Variants in BPNT1 observed in about 807,000 individuals in gnomAD.
BPNT1 encodes the protein 3'(2'),5'-bisphosphate nucleotidase 1.
Under a neutral mutation model 36.9 loss-of-function variants are expected in BPNT1, and 28 were observed. The ratio of observed to expected loss-of-function variants is 0.76; its 90% CI spans 0.56 to 1.04. The LOEUF is 1.04. Ranked by LOEUF, BPNT1 falls within the 50% of genes least tolerant of loss-of-function variation. BPNT1 has a pLI of 0.00. For synonymous variants in BPNT1, 119 were observed against 130.9 expected (o/e 0.91, Z 0.62); for missense variants, 313 against 372.9 (o/e 0.84, Z 1.32).
chr1:220,087,385 T>A (rs540582741), intron 1 of BPNT1, among the ~76,000 whole-genome samples: 11 of 152,044 alleles, frequency 7.2e-5, no homozygotes, highest in African/African-American at 2.7e-4. Context: ...TGAAACCCTG[T>A]CTCTACTAAA....
At chr1:220,072,821 A>G (rs1664187918) in intron 4 of BPNT1, 29 bp downstream of exon 4, 1 of 1,554,530 alleles carries the variant, frequency 6.4e-7, no homozygotes, top group Non-Finnish European at 8.9e-7. Context: ...CCAGGTTAAT[A>G]GAGAGTTGAG....
chr1:220,063,880 T>C (rs1259012100), intron 6 of BPNT1, among the ~76,000 whole-genome samples: 1 of 152,184 alleles, frequency 6.6e-6, no homozygotes, highest in Non-Finnish European at 1.5e-5. Context: ...TACATTGTTA[T>C]AACTATACAC....
chr1:220,067,972 A>G (rs1571748611), intron 5 of BPNT1, among the ~76,000 whole-genome samples: 1 of 152,240 alleles, frequency 6.6e-6, no homozygotes, highest in African/African-American at 2.4e-5. Flanking sequence ...TTATTTCACA[A>G]TGGGTTCTAC....
chr1:220,066,179 T>C, intron 6 of BPNT1: 5 of 1,247,952 alleles, frequency 4.0e-6, no homozygotes, highest in Non-Finnish European at 5.5e-6. Context: ...TATTAACTCC[T>C]AAGCACTTAG....
At chr1:220,073,671 A>C (rs1226573423) in intron 3 of BPNT1, among the ~76,000 whole-genome samples, 2 of 152,142 alleles carry the variant, frequency 1.3e-5, no homozygotes, top group African/African-American at 4.8e-5. Flanking sequence ...ACAACAACGA[A>C]ACCCATTTTA....
chr1:220,059,243 C>CTTTTTTTTTTTTTTT (rs11292010), intron 8 of BPNT1, among the ~76,000 whole-genome samples: 3 of 57,868 alleles, frequency 5.2e-5, no homozygotes, highest in African/African-American at 7.5e-5. Flanking sequence ...ATTTTCTTTT[C>CTTTTTTTTTTTTTTT]TTTTTTTTTT....
chr1:220,076,527 A>G (rs113153572), intron 2 of BPNT1, among the ~76,000 whole-genome samples: 20,587 of 148,234 alleles, frequency 0.14, 1,843 homozygotes, highest in Admixed American at 0.21. Flanking sequence ...AAGGCAAAAA[A>G]ATACAAAATT....
rs1364667858 is a variant in BPNT1 at position 220,057,841 on chromosome 1, T to G, written c.*1003A>C. 1.5e-6 allele frequency: 2 copies of G among 1,302,282 alleles called. No homozygotes were observed. Among genetic ancestry groups the G allele is most frequent in the Admixed American group, 4.6e-5 (2 of 43,476 alleles). 80.7% of individuals were successfully genotyped at this position (1,302,282 alleles called of 1,614,324 possible). On this transcript the variant is annotated 3_prime_UTR_variant, in exon 9 of 9. Coordinates refer to ENST00000322067, the MANE Select transcript of BPNT1 (RefSeq NM_006085.6). ...AGTAGAAACGTTTTTAAAATTACTG[T>G]GAAAAACAAGAGTGAGATTCCAGAA... is the stretch of plus-strand genomic sequence containing the variant.
chr1:220,057,793 A>T lies in BPNT1; in HGVS notation c.*1051T>A. The T allele has an allele frequency of 9.0e-7, 1 of 1,106,230 alleles. No individual in the cohort carries two copies. Among genetic ancestry groups the T allele is most frequent in the Non-Finnish European group, 1.2e-6 (1 of 814,454 alleles). The allele number at this position is 1,106,230 out of a possible 1,614,324, so 68.5% of individuals were successfully genotyped here. A position where few individuals can be genotyped will look rare whatever the true frequency, so the allele number is the denominator to read the frequency against. ...ATCTGTTTCATAAGCATATATAATAACATCATATATATTCTTAATTGGAGT... is the reference window on the plus strand; with the variant it reads ...ATCTGTTTCATAAGCATATATAATATCATCATATATATTCTTAATTGGAGT... On this transcript the variant is annotated 3_prime_UTR_variant, in exon 9 of 9. Coordinates refer to ENST00000322067, the MANE Select transcript of BPNT1 (RefSeq NM_006085.6).
intron 4 of BPNT1, among the ~76,000 whole-genome samples, chr1:220,071,103 G>A (rs904626054): frequency 5.3e-5 from 8 of 151,714 alleles, no homozygotes; most frequent in Non-Finnish European, 8.8e-5. Context: ...CTCGTGATCC[G>A]CCTGCCTCGG....
At chr1:220,071,355 T>A (rs1438984895) in intron 4 of BPNT1, among the ~76,000 whole-genome samples, 1 of 152,198 alleles carries the variant, frequency 6.6e-6, no homozygotes. Context: ...CTTCTAAAAA[T>A]ATAAGGTAGC....
At chr1:220,086,622 C>G (rs1168222716) in intron 1 of BPNT1, among the ~76,000 whole-genome samples, 1 of 151,604 alleles carries the variant, frequency 6.6e-6, no homozygotes, top group East Asian at 2.0e-4. Context: ...GTTGTCCAGG[C>G]TGGAGTGCAG....
At chr1:220,083,922 T>C (rs576090196) in intron 1 of BPNT1, among the ~76,000 whole-genome samples, 28 of 152,114 alleles carry the variant, frequency 1.8e-4, no homozygotes, top group Admixed American at 2.6e-4. Flanking sequence ...CTATATATAA[T>C]GTGTTTGTTT....
At chr1:220,072,257 G>A (rs1358887021) in intron 4 of BPNT1, among the ~76,000 whole-genome samples, 3 of 151,792 alleles carry the variant, frequency 2.0e-5, no homozygotes, top group African/African-American at 7.3e-5. Flanking sequence ...TAGCTACTTG[G>A]GAGGCTGAGG....
chr1:220,084,064 G>C (rs1416128749), intron 1 of BPNT1, among the ~76,000 whole-genome samples: 4 of 152,160 alleles, frequency 2.6e-5, no homozygotes, highest in Non-Finnish European at 5.9e-5. Context: ...GGGGCGCAGT[G>C]GCTCACGCAT....
At chr1:220,082,081 T>TAGAGAGAG (rs1436682340) in intron 1 of BPNT1, among the ~76,000 whole-genome samples, 2 of 109,814 alleles carry the variant, frequency 1.8e-5, no homozygotes, top group Non-Finnish European at 1.9e-5. Context: ...TATATATATA[T>TAGAGAGAG]ATATAGAGAG....
intron 1 of BPNT1, among the ~76,000 whole-genome samples, chr1:220,084,192 C>T (rs1368363272): frequency 2.6e-5 from 4 of 151,736 alleles, no homozygotes; most frequent in South Asian, 4.2e-4. Flanking sequence ...ATTAGTCGGG[C>T]GTGGTGGTGG....
chr1:220,074,640 C>A (rs1209678312), intron 2 of BPNT1, among the ~76,000 whole-genome samples: 3 of 151,776 alleles, frequency 2.0e-5, no homozygotes, highest in African/African-American at 7.3e-5. Context: ...GGACTACAGG[C>A]ACGTGCCACC....
chr1:220,077,091 T>G (rs944809844), intron 2 of BPNT1, among the ~76,000 whole-genome samples: 3 of 152,176 alleles, frequency 2.0e-5, no homozygotes, highest in African/African-American at 7.2e-5. Context: ...AACAGTACAA[T>G]GTCAGGAGCA....
Sources: gnomAD v4.1 joint callset for allele counts (sites outside exome capture counted in the v4.1 genomes callset) on GRCh38, gnomAD v4.1.1 for gene constraint, MANE v1.5 for transcripts, NCBI Gene and HGNC (gene_info 2026-07-23, HGNC 2026-07-21) for gene names.